The following SLC16A6 variants were observed in gnomAD, a reference collection of about 807,000 sequenced individuals.
SLC16A6 encodes the protein solute carrier family 16 member 6, also known as monocarboxylate transporter 7.
SLC16A6 carries 15 observed loss-of-function variants against 33.8 expected under a neutral mutation model. That is an observed-to-expected ratio of 0.44 (90% CI 0.30 to 0.68). SLC16A6 has a LOEUF of 0.68. SLC16A6 is among the 30% of genes least tolerant of loss of function. SLC16A6 has a pLI of 0.10. For missense variants in SLC16A6, 451 were observed against 661.5 expected (o/e 0.68, Z 3.49); for synonymous variants, 219 against 248.4 (o/e 0.88, Z 1.11).
intron 1 of SLC16A6, among the ~76,000 whole-genome samples, chr17:68,281,715 TATC>T (rs1484673836): frequency 6.6e-6 from 1 of 152,144 alleles, no homozygotes; most frequent in Non-Finnish European, 1.5e-5. Flanking sequence ...CACAGTGAGG[TATC>T]ATCTTACCTC....
chr17:68,291,196 G>C (rs1156812263), upstream of SLC16A6: 1 of 151,912 alleles, frequency 6.6e-6, no homozygotes, highest in Non-Finnish European at 1.5e-5. Flanking sequence ...TAACCCCTTA[G>C]GGGGCGGGCC....
At chr17:68,278,443 ATATTTATTTATT>A in intron 1 of SLC16A6, 116 bp from the exon 2 acceptor site, 3 of 638,154 alleles carry the variant, frequency 4.7e-6, no homozygotes, top group East Asian at 5.5e-5. Flanking sequence ...AAGTTGTTGA[ATATTTATTTATT>A]TATTTATTTA....
chr17:68,286,585 A>G (rs1857436029), intron 1 of SLC16A6, among the ~76,000 whole-genome samples: 1 of 152,110 alleles, frequency 6.6e-6, no homozygotes. Flanking sequence ...GCTCACTGCA[A>G]CCTTAGCCTC....
Position 68,271,775 on chromosome 17 carries a change from T to C in SLC16A6, c.506-121A>G. The C allele has an allele frequency of 1.4e-6, 1 of 721,958 alleles. No individual in the cohort carries two copies. Among genetic ancestry groups the C allele is most frequent in the Non-Finnish European group, 2.3e-6 (1 of 435,956 alleles). 44.7% of individuals were successfully genotyped at this position (721,958 alleles called of 1,614,324 possible). A position where few individuals can be genotyped will look rare whatever the true frequency, so the allele number is the denominator to read the frequency against. On this transcript the variant is annotated intron_variant, in intron 4 of 5. Coordinates refer to ENST00000580666, the MANE Select transcript of SLC16A6 (RefSeq NM_004694.5). This position sits in a 1 kb window ranked among gnomAD's most constrained non-coding sequence, Gnocchi z 5.3. ...TGTTATAAGTTCTGTGGAAATTTAT[T>C]ATACTCAGCAGTATGAATGTACTCA...
chr17:68,280,814 C>T (rs1330950927), intron 1 of SLC16A6, among the ~76,000 whole-genome samples: 10 of 152,202 alleles, frequency 6.6e-5, no homozygotes, highest in South Asian at 4.2e-4. Context: ...ACAGATTCTG[C>T]GCAGCAAAGG....
rs1599497090 is a variant in SLC16A6 at position 68,271,962 on chromosome 17, C to T, written c.506-308G>A. ...GGACTATAGGCGTGCGCCACCACGA[C>T]CAGCCAATTTTTGTATTTTTAGTAG... On this transcript the variant is annotated intron_variant, in intron 4 of 5. Transcript: ENST00000580666. This position sits in a 1 kb window ranked among gnomAD's most constrained non-coding sequence, Gnocchi z 5.3. Among the ~76,000 whole-genome samples the T allele has an allele frequency of 6.6e-6, 1 of 152,162 alleles. No individual in the cohort carries two copies. Among genetic ancestry groups the T allele is most frequent in the Admixed American group, 6.5e-5 (1 of 15,276 alleles).
intron 3 of SLC16A6, among the ~76,000 whole-genome samples, chr17:68,273,184 T>A (rs1250461426): frequency 6.6e-6 from 1 of 151,982 alleles, no homozygotes; most frequent in Non-Finnish European, 1.5e-5. Flanking sequence ...ATGAGGAATA[T>A]ATGGCCTCCT....
intron 1 of SLC16A6, among the ~76,000 whole-genome samples, chr17:68,279,651 A>G (rs1555752116): frequency 6.6e-6 from 1 of 152,212 alleles, no homozygotes; most frequent in Admixed American, 6.5e-5. Flanking sequence ...AATAAACATC[A>G]GAACAAGCCA....
chr17:68,288,199 A>G (rs1421403574), intron 1 of SLC16A6, among the ~76,000 whole-genome samples: 2 of 151,372 alleles, frequency 1.3e-5, no homozygotes, highest in African/African-American at 4.9e-5. Context: ...ACAGGGTTTC[A>G]CCATGTTGGT....
chr17:68,287,966 T>C (rs2075879633), intron 1 of SLC16A6, among the ~76,000 whole-genome samples: 1 of 149,788 alleles, frequency 6.7e-6, no homozygotes, highest in African/African-American at 2.4e-5. Flanking sequence ...TCTCTCTCTC[T>C]CTCTCCCCCT....
chr17:68,271,918 T>C lies in SLC16A6; in HGVS notation c.506-264A>G, dbSNP rs2075353695. Among the ~76,000 whole-genome samples, 1 of 152,218 alleles carries C rather than the reference T, an allele frequency of 6.6e-6. No individual in the cohort carries two copies. Among genetic ancestry groups the C allele is most frequent in the Non-Finnish European group, 1.5e-5 (1 of 68,044 alleles). ...CCCGGGTTCAAGCGATTCTCCTGCC[T>C]CAGCCTCCTGAGTAGCTGGGACTAT... On this transcript the variant is annotated intron_variant, in intron 4 of 5. Transcript: ENST00000580666. This position sits in a 1 kb window ranked among gnomAD's most constrained non-coding sequence, Gnocchi z 5.3.
intron 3 of SLC16A6, 108 bp from the exon 4 acceptor site, chr17:68,272,875 T>C (rs1555749517): frequency 7.5e-7 from 1 of 1,341,436 alleles, no homozygotes; most frequent in African/African-American, 1.5e-5. Flanking sequence ...AATCTTAAGT[T>C]CTAGGAGCCA....
At chr17:68,280,386 A>G (rs986789093) in intron 1 of SLC16A6, among the ~76,000 whole-genome samples, 1 of 152,164 alleles carries the variant, frequency 6.6e-6, no homozygotes, top group East Asian at 1.9e-4. Context: ...CAGACCTCAA[A>G]ATATATGACA....
Position 68,278,311 on chromosome 17 carries a change from T to C in SLC16A6, c.10A>G (p.Asn4Asp). Reference protein sequence around the residue: MTQNKLKLCSKANV... With the variant: MTQDKLKLCSKANV... ...GCTTTGGAACAAAGCTTTAATTTAT[T>C]TTGGGTCATTCTTAATCTGAAAGAA... is the stretch of plus-strand genomic sequence containing the variant. The change falls in exon 2 of 6, where the codon AAT (asparagine) becomes GAT (aspartate). Residue 4 changes from asparagine to aspartate, a missense_variant. Coordinates refer to ENST00000580666, the MANE Select transcript of SLC16A6 (RefSeq NM_004694.5). 5 of 1,612,828 alleles carry C rather than the reference T, an allele frequency of 3.1e-6. No individual in the cohort carries two copies. Among genetic ancestry groups the C allele is most frequent in the Non-Finnish European group, 4.2e-6 (5 of 1,179,348 alleles).
rs781789964 is a variant in SLC16A6 at position 68,271,319 on chromosome 17, C to A, written c.841G>T (p.Ala281Ser). Residue 281 changes from alanine to serine, a missense_variant, in exon 5 of 6, where the codon GCC becomes TCC. Around this residue, in one of 2 missense-constraint regions of SLC16A6, gnomAD observed 405 missense variants for 510.7 expected, o/e 0.79. Coordinates refer to ENST00000580666, the MANE Select transcript of SLC16A6 (RefSeq NM_004694.5). The surrounding 1 kb of genome is among the most constrained non-coding windows in gnomAD (Gnocchi z 5.3). ...AAAATGGAGAAGTCTAATAGCGGGGCTTTCTTTTCGCTTGGCCTGGGGCTG... is the reference window on the plus strand; with the variant it reads ...AAAATGGAGAAGTCTAATAGCGGGGATTTCTTTTCGCTTGGCCTGGGGCTG... ...KTSPRPSEKK[A>S]PLLDFSILKE... 2.9e-5 allele frequency: 47 copies of A among 1,614,116 alleles called. No individual in the cohort carries two copies. Among genetic ancestry groups the A allele is most frequent in the Middle Eastern group, 1.6e-4 (1 of 6,084 alleles).
chr17:68,290,488 A>G (rs2145218575), intron 1 of SLC16A6, among the ~76,000 whole-genome samples: 1 of 152,320 alleles, frequency 6.6e-6, no homozygotes, highest in Middle Eastern at 3.4e-3. Context: ...AGCCGCTGAC[A>G]GTTCTGACAG....
rs1226068946 is a variant in SLC16A6, at chr17:68,268,541, T to C, written c.*555A>G. ...TTTGTTAACGGGAACCTTGGTATTTTACAAAGGGTTTAACAAAAACTATTT... is the reference window on the plus strand; with the variant it reads ...TTTGTTAACGGGAACCTTGGTATTTCACAAAGGGTTTAACAAAAACTATTT... On this transcript the variant is annotated 3_prime_UTR_variant, in exon 6 of 6. Coordinates refer to ENST00000580666, the MANE Select transcript of SLC16A6 (RefSeq NM_004694.5). The C allele has an allele frequency of 6.5e-6, 1 of 152,712 alleles. No homozygotes were observed. Among genetic ancestry groups the C allele is most frequent in the East Asian group, 1.9e-4 (1 of 5,188 alleles). The allele number at this position is 152,712 out of a possible 1,614,324, so 9.5% of individuals were successfully genotyped here.
intron 1 of SLC16A6, among the ~76,000 whole-genome samples, chr17:68,281,962 A>T (rs2075709276): frequency 6.6e-6 from 1 of 152,196 alleles, no homozygotes; most frequent in Non-Finnish European, 1.5e-5. Flanking sequence ...AAGGATCTAG[A>T]ACTGGAAATA....
rs782198519 is a variant in SLC16A6 at position 68,270,793 on chromosome 17, A to C, written c.1321+46T>G. 3.4e-6 allele frequency: 5 copies of C among 1,492,364 alleles called. No individual in the cohort carries two copies. The East Asian group carries it at 1.1e-4, about 34-fold the overall frequency. The allele number at this position is 1,492,364 out of a possible 1,614,324, so 92.4% of individuals were successfully genotyped here. On this transcript the variant is annotated intron_variant, in intron 5 of 5. Transcript: ENST00000580666. The stretch of plus-strand genomic sequence containing the variant: ...CTTGAACAGGAAGCTAGCACAATTC[A>C]CAAGGGAAAGTAGACAAGTGTTTGT...
Sources: gnomAD v4.1 joint callset for allele counts (sites outside exome capture counted in the v4.1 genomes callset) on GRCh38, gnomAD v4.1.1 for gene constraint, gnomAD v4.1.1 regional missense constraint, Gnocchi (gnomAD v3.1) non-coding constraint, MANE v1.5 for transcripts, NCBI Gene and HGNC (gene_info 2026-07-23, HGNC 2026-07-21) for gene names.